CPQ: variants seen among roughly 807,000 people sequenced by gnomAD.
CPQ encodes carboxypeptidase Q.
In CPQ, 37 loss-of-function variants were observed where a neutral mutation model predicts 45.7. That is an observed-to-expected ratio of 0.81 (90% confidence interval 0.62 to 1.07). CPQ has a LOEUF of 1.07. CPQ is among the 50% of genes least tolerant of loss of function. The pLI, the probability that CPQ is intolerant of heterozygous loss-of-function variation, is 0.00. For missense variants in CPQ, 537 were observed against 572.9 expected (o/e 0.94, Z 0.64); for synonymous variants, 186 against 205.8 (o/e 0.90, Z 0.82).
chr8:96,864,243 C>G (rs1458979937), intron 3 of CPQ, among the ~76,000 whole-genome samples: 1 of 152,016 alleles, frequency 6.6e-6, no homozygotes, highest in East Asian at 1.9e-4. Context: ...GACCTAGGCA[C>G]CTAGTATGTT....
At chr8:96,815,978 T>G (rs1388732500) in intron 2 of CPQ, among the ~76,000 whole-genome samples, 1 of 152,188 alleles carries the variant, frequency 6.6e-6, no homozygotes, top group Non-Finnish European at 1.5e-5. Flanking sequence ...GCCTTGATGT[T>G]GACGGCTGCC....
intron 4 of CPQ, among the ~76,000 whole-genome samples, chr8:96,948,403 TG>T (rs1813217657): frequency 6.6e-6 from 1 of 152,170 alleles, no homozygotes; most frequent in African/African-American, 2.4e-5. Context: ...TTTGACACAA[TG>T]GTTGTTTAAA....
At chr8:96,733,629 C>A (rs1809942300) in intron 1 of CPQ, among the ~76,000 whole-genome samples, 1 of 152,028 alleles carries the variant, frequency 6.6e-6, no homozygotes, top group Non-Finnish European at 1.5e-5. Context: ...AGAAAAGAAA[C>A]AGGTAAAGTA....
Position 96,784,845 on chromosome 8 carries a change from A to T in CPQ, c.-34-19A>T. ...TGAGATTCTTTTCCCCTAAAACATAATGTTTCTTATTTATGTAGATTATCT... is the reference window on the plus strand; with the variant it reads ...TGAGATTCTTTTCCCCTAAAACATATTGTTTCTTATTTATGTAGATTATCT... On this transcript the variant is annotated intron_variant, in intron 1 of 7. Coordinates refer to ENST00000220763, the MANE Select transcript of CPQ (RefSeq NM_016134.4). 1.3e-6 allele frequency: 2 copies of T among 1,513,794 alleles called. No homozygotes were observed. Among genetic ancestry groups the T allele is most frequent in the African/African-American group, 2.8e-5 (2 of 71,616 alleles). The allele number at this position is 1,513,794 out of a possible 1,614,324, so 93.8% of individuals were successfully genotyped here. A position where few individuals can be genotyped will look rare whatever the true frequency, so the allele number is the denominator to read the frequency against.
chr8:96,675,887 ACT>A (rs772361771), intron 1 of CPQ, among the ~76,000 whole-genome samples: 3 of 151,632 alleles, frequency 2.0e-5, no homozygotes, highest in African/African-American at 4.8e-5. Context: ...ATATGTGAAA[ACT>A]CTTTTTTAAA....
At chr8:97,026,469 T>C (rs1399784311) in intron 5 of CPQ, among the ~76,000 whole-genome samples, 1 of 152,204 alleles carries the variant, frequency 6.6e-6, no homozygotes, top group African/African-American at 2.4e-5. Context: ...TTAGGTAGCC[T>C]GGGGACCTGA....
chr8:97,059,353 C>T (rs529265098), intron 6 of CPQ, among the ~76,000 whole-genome samples: 7 of 152,228 alleles, frequency 4.6e-5, no homozygotes, highest in African/African-American at 1.4e-4. Flanking sequence ...TTAGGTTTCC[C>T]GCTCTGTCTG....
chr8:97,089,752 G>A (rs1042647262), intron 7 of CPQ, among the ~76,000 whole-genome samples: 1 of 152,062 alleles, frequency 6.6e-6, no homozygotes, highest in Admixed American at 6.5e-5. Context: ...AGGGAGTACT[G>A]ATCCTTTCTT....
intron 2 of CPQ, among the ~76,000 whole-genome samples, chr8:96,833,219 C>T (rs1811482700): frequency 6.6e-6 from 1 of 152,140 alleles, no homozygotes; most frequent in Non-Finnish European, 1.5e-5. Context: ...CCTGTAGCTG[C>T]TACTAGTGAT....
At chr8:96,740,388 T>A (rs1227180804) in intron 1 of CPQ, among the ~76,000 whole-genome samples, 1 of 152,128 alleles carries the variant, frequency 6.6e-6, no homozygotes, top group Non-Finnish European at 1.5e-5. Flanking sequence ...TTTCTAGATA[T>A]ACAATCATGT....
chr8:97,119,687 G>C (rs1303214655), intron 7 of CPQ, among the ~76,000 whole-genome samples: 2 of 152,106 alleles, frequency 1.3e-5, no homozygotes. Flanking sequence ...TTAGAACAGC[G>C]ATAGCATACA....
At chr8:96,956,093 C>T (rs1182919911) in intron 4 of CPQ, among the ~76,000 whole-genome samples, 2 of 152,166 alleles carry the variant, frequency 1.3e-5, no homozygotes, top group Non-Finnish European at 2.9e-5. Context: ...AGGCAACCTA[C>T]AGAATGGGAG....
At chr8:96,867,467 A>G (rs1020821607) in intron 3 of CPQ, among the ~76,000 whole-genome samples, 1 of 152,074 alleles carries the variant, frequency 6.6e-6, no homozygotes, top group Non-Finnish European at 1.5e-5. Context: ...TAAAAAAGCA[A>G]TCAAACTTAA....
At position 97,060,315 on chromosome 8, in the gene CPQ, T is replaced by C. The variant is rs1021371837; in HGVS notation, c.1054-5694T>C. Among the ~76,000 whole-genome samples the C allele has an allele frequency of 2.6e-5, 4 of 152,172 alleles. No individual in the cohort carries two copies. In the South Asian group the frequency reaches 8.3e-4, roughly 32 times the overall value. Reference sequence around the variant, plus strand: ...AATGCTAATGGTAACCAAATTGTTCTTTGGCAGAGTAGCCTGACCCTTAAA... The same window carrying C: ...AATGCTAATGGTAACCAAATTGTTCCTTGGCAGAGTAGCCTGACCCTTAAA... On this transcript the variant is annotated intron_variant, in intron 6 of 7. Transcript: ENST00000220763.
chr8:96,743,642 A>G (rs1173928857), intron 1 of CPQ, among the ~76,000 whole-genome samples: 1 of 152,156 alleles, frequency 6.6e-6, no homozygotes, highest in Admixed American at 6.5e-5. Context: ...GGTGATGTAC[A>G]GATGGGTTTT....
intron 1 of CPQ, among the ~76,000 whole-genome samples, chr8:96,667,972 T>C (rs1305488802): frequency 1.3e-5 from 2 of 152,362 alleles, no homozygotes; most frequent in South Asian, 2.1e-4. Context: ...CTTTTACTTA[T>C]TTTGTATCAT....
At chr8:96,919,448 A>C (rs2130909992) in intron 4 of CPQ, among the ~76,000 whole-genome samples, 1 of 152,226 alleles carries the variant, frequency 6.6e-6, no homozygotes, top group East Asian at 1.9e-4. Context: ...ACTCTACTAG[A>C]TATCCTCAAT....
intron 4 of CPQ, among the ~76,000 whole-genome samples, chr8:96,920,950 T>C (rs1812797968): frequency 6.6e-6 from 1 of 152,204 alleles, no homozygotes; most frequent in Non-Finnish European, 1.5e-5. Context: ...AGCAAACTAA[T>C]GTGGTTGGCA....
intron 4 of CPQ, among the ~76,000 whole-genome samples, chr8:96,896,523 T>G (rs1009848799): frequency 6.5e-4 from 99 of 152,288 alleles, no homozygotes; most frequent in African/African-American, 2.2e-3. Flanking sequence ...CTCAGTCTTT[T>G]TTCATTTATT....
Sources: allele counts gnomAD v4.1 joint callset (sites outside exome capture counted in the v4.1 genomes callset), GRCh38; gene constraint gnomAD v4.1.1; transcripts MANE v1.5; gene names NCBI Gene and HGNC (gene_info 2026-07-23, HGNC 2026-07-21).